NOS1AP: variants seen among roughly 807,000 people sequenced by gnomAD.
The protein encoded by NOS1AP is nitric oxide synthase 1 adaptor protein, also known as carboxyl-terminal PDZ ligand of neuronal nitric oxide synthase protein.
NOS1AP carries 21 observed loss-of-function variants against 56.2 expected under a neutral mutation model. The ratio of observed to expected loss-of-function variants is 0.37; its 90% CI spans 0.26 to 0.54. The LOEUF (loss-of-function observed/expected upper bound fraction) is 0.54. Ranked by LOEUF, NOS1AP falls within the 20% of genes least tolerant of loss-of-function variation. The pLI is 0.84. For synonymous variants in NOS1AP, 270 were observed against 274.6 expected (o/e 0.98, Z 0.17); for missense variants, 522 against 657.8 (o/e 0.79, Z 2.26).
At chr1:162,104,128 C>T (rs1180530658) in intron 1 of NOS1AP, among the ~76,000 whole-genome samples, 2 of 152,148 alleles carry the variant, frequency 1.3e-5, no homozygotes, top group African/African-American at 4.8e-5. Context: ...TCAGCATTTG[C>T]TTATCTGAAA....
At chr1:162,358,730 T>C (rs1455813191) in intron 8 of NOS1AP, among the ~76,000 whole-genome samples, 2 of 152,184 alleles carry the variant, frequency 1.3e-5, no homozygotes, top group African/African-American at 2.4e-5. Context: ...AGTTTCCCAT[T>C]GAATACAGAA....
chr1:162,167,348 C>G (rs970417563), intron 2 of NOS1AP, among the ~76,000 whole-genome samples: 6 of 152,218 alleles, frequency 3.9e-5, no homozygotes, highest in Admixed American at 3.3e-4. Context: ...GTACATCTAG[C>G]CTTTCTCCTA....
chr1:162,092,846 ATTC>A (rs1044435076), intron 1 of NOS1AP, among the ~76,000 whole-genome samples: 3 of 152,184 alleles, frequency 2.0e-5, no homozygotes, highest in African/African-American at 7.2e-5. Context: ...CCAAGCCCTT[ATTC>A]TTCTTTAGTA....
intron 2 of NOS1AP, among the ~76,000 whole-genome samples, chr1:162,194,634 G>A (rs894843293): frequency 3.3e-5 from 5 of 152,176 alleles, no homozygotes; most frequent in Non-Finnish European, 5.9e-5. Flanking sequence ...ATCAAAAGGA[G>A]CACATAAAAG....
At chr1:162,100,547 G>A (rs180962538) in intron 1 of NOS1AP, among the ~76,000 whole-genome samples, 3 of 152,258 alleles carry the variant, frequency 2.0e-5, no homozygotes, top group Admixed American at 1.3e-4. Flanking sequence ...TTTGTCAGAT[G>A]AGTAGGTTGC....
At chr1:162,076,133 G>C (rs1182025859) in intron 1 of NOS1AP, among the ~76,000 whole-genome samples, 2 of 152,000 alleles carry the variant, frequency 1.3e-5, no homozygotes, top group Non-Finnish European at 2.9e-5. Context: ...GAATGCTTTC[G>C]CTGGCTATAA....
intron 1 of NOS1AP, 121 bp from the exon 2 acceptor site, chr1:162,154,284 G>T: frequency 1.2e-6 from 1 of 806,712 alleles, no homozygotes. Context: ...CACCCTGCTG[G>T]CTCTTAATTT....
chr1:162,257,346 A>G (rs1301685202), intron 2 of NOS1AP, among the ~76,000 whole-genome samples: 1 of 152,090 alleles, frequency 6.6e-6, no homozygotes, highest in Non-Finnish European at 1.5e-5. Context: ...TAGCTACTGA[A>G]GAGAAAGCAA....
intron 2 of NOS1AP, among the ~76,000 whole-genome samples, chr1:162,207,000 C>G (rs569592650): frequency 5.3e-5 from 8 of 152,196 alleles, no homozygotes; most frequent in Non-Finnish European, 1.2e-4. Flanking sequence ...TAAAATTACC[C>G]TATTATTTAG....
At chr1:162,132,818 T>C (rs757192541) in intron 1 of NOS1AP, among the ~76,000 whole-genome samples, 1 of 152,210 alleles carries the variant, frequency 6.6e-6, no homozygotes, top group Non-Finnish European at 1.5e-5. Context: ...TTTCCCCAGT[T>C]ACCAGTGTTC....
intron 1 of NOS1AP, among the ~76,000 whole-genome samples, chr1:162,152,973 T>A (rs1294847016): frequency 6.6e-6 from 1 of 152,140 alleles, no homozygotes; most frequent in Non-Finnish European, 1.5e-5. Context: ...GTAATTTATG[T>A]ATAATAAGGA....
Position 162,264,456 on chromosome 1 carries a change from T to TCTCCTCTCCTCTCCTCTCCTCTCC in NOS1AP, c.178-22888_178-22887insCTCCTCTCCTCTCCTCTCCTCTCC, listed in dbSNP as rs1355742065. 5.8e-4 allele frequency among the ~76,000 whole-genome samples: 22 copies of TCTCCTCTCCTCTCCTCTCCTCTCC among 38,180 alleles called. 2 individuals carry two copies. Among genetic ancestry groups the TCTCCTCTCCTCTCCTCTCCTCTCC allele is most frequent in the East Asian group, 6.3e-3 (1 of 158 alleles). The allele number at this position is 38,180 out of a possible 152,430, so 25.0% of individuals were successfully genotyped here. A position where few individuals can be genotyped will look rare whatever the true frequency, so the allele number is the denominator to read the frequency against. On this transcript the variant is annotated intron_variant, in intron 2 of 9. Transcript: ENST00000361897. The stretch of plus-strand genomic sequence containing the variant: ...TTCTCTTCTCTTCTCTTCTCTTCTC[T>TCTCCTCTCCTCTCCTCTCCTCTCC]TCTCTTCTCCTCCCCTCCCCTCCCC...
intron 2 of NOS1AP, among the ~76,000 whole-genome samples, chr1:162,235,934 T>C (rs115834989): frequency 0.011 from 1,650 of 152,334 alleles, 23 homozygotes; most frequent in African/African-American, 0.038. Flanking sequence ...AGACATCATC[T>C]GGTTTCATTC....
At chr1:162,183,227 T>A (rs1591619) in intron 2 of NOS1AP, among the ~76,000 whole-genome samples, 1 of 151,996 alleles carries the variant, frequency 6.6e-6, no homozygotes, top group Non-Finnish European at 1.5e-5. Flanking sequence ...GACAGTAATA[T>A]TTTGAAAGAA....
At chr1:162,093,421 A>G (rs1692174962) in intron 1 of NOS1AP, among the ~76,000 whole-genome samples, 1 of 152,164 alleles carries the variant, frequency 6.6e-6, no homozygotes, top group Non-Finnish European at 1.5e-5. Flanking sequence ...TATTTTGGTA[A>G]CAGGTGTGAA....
chr1:162,189,348 AATT>A (rs1408979835), intron 2 of NOS1AP, among the ~76,000 whole-genome samples: 1 of 152,162 alleles, frequency 6.6e-6, no homozygotes, highest in Non-Finnish European at 1.5e-5. Flanking sequence ...TAGTTCTGCT[AATT>A]ATTTATTGTA....
chr1:162,218,744 T>C (rs963147227), intron 2 of NOS1AP, among the ~76,000 whole-genome samples: 2 of 151,938 alleles, frequency 1.3e-5, no homozygotes, highest in African/African-American at 4.8e-5. Context: ...GTTTCAGGAG[T>C]GTCCCGGGCA....
At chr1:162,346,230 A>G (rs1362146018) in intron 6 of NOS1AP, among the ~76,000 whole-genome samples, 4 of 152,256 alleles carry the variant, frequency 2.6e-5, no homozygotes, top group South Asian at 4.1e-4. Flanking sequence ...AATGATTTCT[A>G]TATAAGGTTA....
At chr1:162,123,628 T>A (rs1303801307) in intron 1 of NOS1AP, among the ~76,000 whole-genome samples, 1 of 152,280 alleles carries the variant, frequency 6.6e-6, no homozygotes, top group Non-Finnish European at 1.5e-5. Context: ...ATATTATATT[T>A]ACTATTCTGT....
Sources: allele counts gnomAD v4.1 joint callset (sites outside exome capture counted in the v4.1 genomes callset), GRCh38; gene constraint gnomAD v4.1.1; transcripts MANE v1.5; gene names NCBI Gene and HGNC (gene_info 2026-07-23, HGNC 2026-07-21).